Variants in CACNA1E observed in about 807,000 individuals in gnomAD.
CACNA1E encodes voltage-dependent R-type calcium channel subunit alpha-1E.
In CACNA1E, 40 loss-of-function variants were observed where a neutral mutation model predicts 259.2. The ratio of observed to expected loss-of-function variants is 0.15; its 90% CI spans 0.12 to 0.20. The LOEUF (loss-of-function observed/expected upper bound fraction) is 0.20. CACNA1E is among the 10% of genes least tolerant of loss of function. The pLI, the probability that CACNA1E is intolerant of heterozygous loss-of-function variation, is 1.00. For missense variants in CACNA1E, 1,874 were observed against 3,040.1 expected, an observed-to-expected ratio of 0.62 and a Z score of 9.02; for synonymous variants, 1,104 against 1,138.5, an observed-to-expected ratio of 0.97 and a Z score of 0.61.
At position 181,354,600 on chromosome 1, in the gene CACNA1E, C is replaced by T. The variant is rs879201657; in HGVS notation, c.-15+36477C>T. Among the ~76,000 whole-genome samples, 6 of 152,322 alleles carry T rather than the reference C, an allele frequency of 3.9e-5. No homozygotes were observed. The South Asian group carries it at 1.0e-3, about 26-fold the overall frequency. On this transcript the variant is annotated intron_variant, in intron 1 of 11. Transcript: ENST00000524607. ...TCTTCTCTATGGTTCAGGTTGTCTG[C>T]ACCTTCCCACAGTGCACATGGCTCC...
At chr1:181,535,516 A>G (rs1668100881) in intron 3 of CACNA1E, among the ~76,000 whole-genome samples, 1 of 152,166 alleles carries the variant, frequency 6.6e-6, no homozygotes. Flanking sequence ...ATTTTTATGT[A>G]TATATGTATA....
intron 6 of CACNA1E, among the ~76,000 whole-genome samples, chr1:181,596,974 G>C (rs755173650): frequency 2.0e-5 from 3 of 152,014 alleles, no homozygotes; most frequent in Non-Finnish European, 4.4e-5. Flanking sequence ...GAGGAGAAGG[G>C]GCTGAGGGCA....
In CACNA1E at chr1:181,802,751, A is replaced by G. The variant is rs945492885; in HGVS notation, c.*3917A>G. The G allele has an allele frequency of 2.6e-5, 4 of 152,242 alleles. No homozygotes were observed. The South Asian group carries it at 8.3e-4, about 32-fold the overall frequency. 9.4% of individuals were successfully genotyped at this position (152,242 alleles called of 1,614,324 possible). A position where few individuals can be genotyped will look rare whatever the true frequency, so the allele number is the denominator to read the frequency against. ...CTGCAGGAAAATGAGGTCTCCTGGC[A>G]TAATGCAACAAAAATCTCATATAAT... On this transcript the variant is annotated 3_prime_UTR_variant, in exon 48 of 48. Coordinates refer to ENST00000367573, the MANE Select transcript of CACNA1E (RefSeq NM_001205293.3).
chr1:181,440,837 T>C (rs1268053762), intron 2 of CACNA1E, among the ~76,000 whole-genome samples: 1 of 151,414 alleles, frequency 6.6e-6, no homozygotes, highest in Non-Finnish European at 1.5e-5. Context: ...TTAAAAAAAT[T>C]AGCTGGGTGT....
At position 181,472,138 on chromosome 1, in the gene CACNA1E, T is replaced by C. The variant is rs144060315; in HGVS notation, c.435-11606T>C. Among the ~76,000 whole-genome samples, 870 of 146,902 alleles carry C rather than the reference T, an allele frequency of 5.9e-3. 12 individuals are homozygous for C. The highest frequency in any genetic ancestry group is 0.018 in the African/African-American group (708 of 39,724). On this transcript the variant is annotated intron_variant, in intron 2 of 11. Transcript: ENST00000524607. ...ACATGGATGGACCTGGAGGACATTA[T>C]GCTAAGTGAAATACACACAGCATGA...
intron 36 of CACNA1E, 65 bp from the exon 37 acceptor site, chr1:181,772,001 A>C (rs1371001598): frequency 2.0e-6 from 3 of 1,478,772 alleles, no homozygotes; most frequent in Non-Finnish European, 1.9e-6. Context: ...ATTGGGAAAG[A>C]GGACCAAGAA....
Position 181,497,426 on chromosome 1 carries a change from CAT to C in CACNA1E, c.267-13047_267-13046del, listed in dbSNP as rs139232141. 7.8e-3 allele frequency among the ~76,000 whole-genome samples: 1,192 copies of C among 152,268 alleles called. 16 individuals are homozygous for C. The highest frequency in any genetic ancestry group is 0.025 in the African/African-American group (1,033 of 41,546). On this transcript the variant is annotated intron_variant, in intron 1 of 47. Coordinates refer to ENST00000367573, the MANE Select transcript of CACNA1E (RefSeq NM_001205293.3). ...TTATCTTACCTTCGTGTCTTTTTATCATATAATTTTACCACCATTCTATAAGG... is the reference window on the plus strand; with the variant it reads ...TTATCTTACCTTCGTGTCTTTTTATCATAATTTTACCACCATTCTATAAGG...
intron 7 of CACNA1E, among the ~76,000 whole-genome samples, chr1:181,678,831 A>G (rs1241625772): frequency 1.3e-5 from 2 of 152,244 alleles, no homozygotes; most frequent in Non-Finnish European, 2.9e-5. Flanking sequence ...TAAATGATGT[A>G]ATGAATACAA....
intron 6 of CACNA1E, among the ~76,000 whole-genome samples, chr1:181,616,223 G>C (rs1484347382): frequency 6.6e-6 from 1 of 152,170 alleles, no homozygotes; most frequent in Admixed American, 6.5e-5. Flanking sequence ...AAACAAGCTA[G>C]ATATGCTGTC....
chr1:181,666,550 A>G (rs1648245363), intron 7 of CACNA1E, among the ~76,000 whole-genome samples: 1 of 152,164 alleles, frequency 6.6e-6, no homozygotes, highest in Non-Finnish European at 1.5e-5. Context: ...TTACTAAATT[A>G]TATTAAAATT....
At chr1:181,605,777 G>A (rs1395153205) in intron 6 of CACNA1E, among the ~76,000 whole-genome samples, 2 of 152,202 alleles carry the variant, frequency 1.3e-5, no homozygotes, top group Non-Finnish European at 2.9e-5. Flanking sequence ...GGTACAGGGT[G>A]TGTCATCTTC....
chr1:181,731,295 T>C (rs970307879), intron 19 of CACNA1E, 64 bp downstream of exon 19: 2 of 1,315,602 alleles, frequency 1.5e-6, no homozygotes, highest in Admixed American at 1.8e-5. Flanking sequence ...AATGTGTCAT[T>C]GTCCTTGCCA....
chr1:181,682,473 C>T (rs1052302324), intron 7 of CACNA1E, among the ~76,000 whole-genome samples: 1 of 152,142 alleles, frequency 6.6e-6, no homozygotes. Context: ...ATGGCCACCT[C>T]TGAACTCTCA....
At chr1:181,445,582 C>T (rs916902740) in intron 2 of CACNA1E, among the ~76,000 whole-genome samples, 5 of 152,218 alleles carry the variant, frequency 3.3e-5, no homozygotes, top group Non-Finnish European at 7.3e-5. Flanking sequence ...GTCTTTGCTG[C>T]ATACTTGTCC....
At chr1:181,546,833 G>T (rs1203811252) in intron 3 of CACNA1E, among the ~76,000 whole-genome samples, 1 of 152,198 alleles carries the variant, frequency 6.6e-6, no homozygotes, top group African/African-American at 2.4e-5. Context: ...TCTGGTGTTA[G>T]CCTGGGGTAA....
At chr1:181,605,884 GAT>G (rs1654187444) in intron 6 of CACNA1E, among the ~76,000 whole-genome samples, 1 of 152,140 alleles carries the variant, frequency 6.6e-6, no homozygotes, top group Non-Finnish European at 1.5e-5. Flanking sequence ...TAATGTGCTG[GAT>G]ATAAACTTGG....
intron 6 of CACNA1E, among the ~76,000 whole-genome samples, chr1:181,632,742 C>T (rs1656863077): frequency 6.6e-6 from 1 of 152,056 alleles, no homozygotes; most frequent in Non-Finnish European, 1.5e-5. Flanking sequence ...ACCCCCTGGA[C>T]CCATGCAGAT....
intron 2 of CACNA1E, among the ~76,000 whole-genome samples, chr1:181,438,664 A>C (rs1660247594): frequency 6.6e-6 from 1 of 152,228 alleles, no homozygotes; most frequent in African/African-American, 2.4e-5. Context: ...GAATGGCAAA[A>C]TTCAGAAAGG....
intron 1 of CACNA1E, among the ~76,000 whole-genome samples, chr1:181,319,356 A>G (rs1650171544): frequency 6.6e-6 from 1 of 152,218 alleles, no homozygotes; most frequent in Non-Finnish European, 1.5e-5. Context: ...TCAGAACCAG[A>G]GGAAAAGGGG....
Sources: gnomAD v4.1 joint callset for allele counts (sites outside exome capture counted in the v4.1 genomes callset) on GRCh38, gnomAD v4.1.1 for gene constraint, MANE v1.5 for transcripts, NCBI Gene and HGNC (gene_info 2026-07-23, HGNC 2026-07-21) for gene names.